Variants in SLC25A21 observed in about 807,000 individuals in gnomAD.
SLC25A21 encodes the protein solute carrier family 25 member 21.
SLC25A21 carries 47 observed loss-of-function variants against 43.8 expected under a neutral mutation model. The ratio of observed to expected loss-of-function variants is 1.07; its 90% CI spans 0.85 to 1.37. SLC25A21 has a LOEUF of 1.37. Among genes scored for constraint, SLC25A21 ranks in the 40% most tolerant of loss-of-function variants. SLC25A21 has a pLI of 0.00. For missense variants in SLC25A21, 352 were observed against 350.2 expected (o/e 1.00, Z -0.04); for synonymous variants, 131 against 121.3 (o/e 1.08, Z -0.52).
At chr14:37,152,493 C>T (rs920079908) in intron 1 of SLC25A21, among the ~76,000 whole-genome samples, 1 of 151,726 alleles carries the variant, frequency 6.6e-6, no homozygotes, top group Non-Finnish European at 1.5e-5. Flanking sequence ...AATTCTCCTG[C>T]TTCAGCCTCC....
At chr14:36,861,604 T>C (rs1195623834) in intron 2 of SLC25A21, among the ~76,000 whole-genome samples, 2 of 152,224 alleles carry the variant, frequency 1.3e-5, no homozygotes, top group Admixed American at 1.3e-4. Flanking sequence ...GCACCTGCTC[T>C]TTACAGAGGC....
intron 6 of SLC25A21, among the ~76,000 whole-genome samples, chr14:36,723,198 G>A (rs997398856): frequency 2.0e-4 from 30 of 152,234 alleles, no homozygotes; most frequent in African/African-American, 7.2e-4. Context: ...TTCTTATCAC[G>A]TCATCTCTTT....
At position 36,679,958 on chromosome 14, in the gene SLC25A21, G is replaced by GTGTT; in HGVS notation, c.*696_*699dup. On this transcript the variant is annotated 3_prime_UTR_variant, in exon 10 of 10. Transcript: ENST00000331299. ...TTGATTTAAACATGCTTAAACAACA[G>GTGTT]TGTTTTAACATTCTGTTTTAAACAA... 1 of 809,778 alleles carries GTGTT rather than the reference G, an allele frequency of 1.2e-6. No homozygotes were observed. The highest frequency in any genetic ancestry group is 1.4e-6 in the Non-Finnish European group (1 of 703,460). The allele number at this position is 809,778 out of a possible 1,614,324, so 50.2% of individuals were successfully genotyped here. A position where few individuals can be genotyped will look rare whatever the true frequency, so the allele number is the denominator to read the frequency against.
intron 1 of SLC25A21, among the ~76,000 whole-genome samples, chr14:37,121,975 CCT>C (rs1491544362): frequency 2.1e-5 from 1 of 47,934 alleles, no homozygotes; most frequent in Non-Finnish European, 1.3e-4. Flanking sequence ...ACCCATCTCC[CCT>C]GATGATAGTC....
chr14:36,927,188 T>C (rs7159241), intron 1 of SLC25A21, among the ~76,000 whole-genome samples: 4,679 of 152,228 alleles, frequency 0.031, 82 homozygotes, highest in East Asian at 0.06. Flanking sequence ...AGAAAAATTA[T>C]AGTAACCAAG....
intron 1 of SLC25A21, chr14:37,098,531 T>C (rs1303164899): frequency 6.6e-6 from 1 of 152,202 alleles, no homozygotes; most frequent in African/African-American, 2.4e-5. Flanking sequence ...TTAACCATGA[T>C]TTCTTTCCAA....
intron 1 of SLC25A21, among the ~76,000 whole-genome samples, chr14:37,154,791 C>T (rs1006276376): frequency 2.2e-4 from 34 of 151,634 alleles, no homozygotes; most frequent in Non-Finnish European, 4.6e-4. Flanking sequence ...TACAGGCATG[C>T]ACCACCACAC....
chr14:36,813,636 T>G (rs1888350485), intron 3 of SLC25A21, among the ~76,000 whole-genome samples: 1 of 152,192 alleles, frequency 6.6e-6, no homozygotes, highest in South Asian at 2.1e-4. Context: ...AAAGAACTAT[T>G]GAGTTTAGAT....
At chr14:36,743,027 T>C (rs1244380603) in intron 3 of SLC25A21, among the ~76,000 whole-genome samples, 1 of 152,220 alleles carries the variant, frequency 6.6e-6, no homozygotes, top group African/African-American at 2.4e-5. Flanking sequence ...CAAAAATTTA[T>C]TGTAGCTGTC....
Position 36,684,769 on chromosome 14 carries a change from T to C in SLC25A21, c.760A>G (p.Met254Val), listed in dbSNP as rs778076388. Residue 254 changes from methionine to valine, a missense_variant, in exon 8 of 10, where the codon ATG (methionine) becomes GTG (valine). By Grantham distance (21) the Met-to-Val change is conservative. Coordinates refer to ENST00000331299, the MANE Select transcript of SLC25A21 (RefSeq NM_030631.4). The stretch of plus-strand genomic sequence containing the variant: ...CCTTCTTCCTGATAGACTGTTGCCA[T>C]TGTTTTAAAACAGGTTCTGTACTTG... ...EIKYRTCFKT[M>V]ATVYQEEGIL... 17 of 1,607,862 alleles carry C rather than the reference T, an allele frequency of 1.1e-5. No individual in the cohort carries two copies. The highest frequency in any genetic ancestry group is 2.2e-5 in the East Asian group (1 of 44,858).
intron 1 of SLC25A21, among the ~76,000 whole-genome samples, chr14:37,138,269 A>G (rs1963516377): frequency 6.6e-6 from 1 of 152,214 alleles, no homozygotes; most frequent in Non-Finnish European, 1.5e-5. Flanking sequence ...GAAAAACAAC[A>G]AACACTAGTT....
intron 3 of SLC25A21, among the ~76,000 whole-genome samples, chr14:36,773,977 T>C (rs1006939895): frequency 1.3e-5 from 2 of 152,246 alleles, no homozygotes; most frequent in African/African-American, 4.8e-5. Flanking sequence ...TGGACATTTG[T>C]AGATGTCTTG....
In SLC25A21 at chr14:36,925,761, T is replaced by C. The variant is rs552422862; in HGVS notation, c.71-50757A>G. ...ACAAGGGAGGCTGAGGCAGGAGAAT[T>C]GCTTGAACCCAGGGGGCAGAGGTTG... On this transcript the variant is annotated intron_variant, in intron 1 of 9. Transcript: ENST00000331299. 4.3e-4 allele frequency among the ~76,000 whole-genome samples: 66 copies of C among 152,056 alleles called. 1 individual carries two copies. Among genetic ancestry groups the C allele is most frequent in the Non-Finnish European group, 7.8e-4 (53 of 67,986 alleles).
chr14:36,924,427 CA>C (rs564201209), intron 1 of SLC25A21, among the ~76,000 whole-genome samples: 2 of 150,876 alleles, frequency 1.3e-5, no homozygotes, highest in South Asian at 4.2e-4. Flanking sequence ...ATCTCAAGGA[CA>C]AAAAACCAAA....
intron 1 of SLC25A21, among the ~76,000 whole-genome samples, chr14:37,119,288 C>T (rs1048171116): frequency 2.0e-5 from 3 of 152,150 alleles, no homozygotes; most frequent in Non-Finnish European, 4.4e-5. Flanking sequence ...GTGGCTCATG[C>T]CTGTAATCCC....
intron 2 of SLC25A21, among the ~76,000 whole-genome samples, chr14:36,859,159 T>C (rs1303823888): frequency 2.0e-5 from 3 of 152,208 alleles, no homozygotes; most frequent in African/African-American, 2.4e-5. Context: ...ACCGCTACTC[T>C]GCTAATCCTG....
intron 1 of SLC25A21, among the ~76,000 whole-genome samples, chr14:37,163,839 A>G (rs868219004): frequency 1.7e-4 from 26 of 152,236 alleles, no homozygotes; most frequent in Admixed American, 1.3e-4. Context: ...AGTATTATCT[A>G]ATGACTAGAA....
At chr14:37,028,448 T>C (rs894938394) in intron 1 of SLC25A21, among the ~76,000 whole-genome samples, 2 of 152,136 alleles carry the variant, frequency 1.3e-5, no homozygotes, top group African/African-American at 4.8e-5. Context: ...TTGCCAATTA[T>C]AACAAAGGAC....
chr14:37,078,542 A>T (rs1191019271), intron 1 of SLC25A21, among the ~76,000 whole-genome samples: 6 of 152,182 alleles, frequency 3.9e-5, no homozygotes, highest in Non-Finnish European at 8.8e-5. Flanking sequence ...TGGTTTTGCC[A>T]TTCAGTCAAA....
Sources: allele counts gnomAD v4.1 joint callset (sites outside exome capture counted in the v4.1 genomes callset), GRCh38; gene constraint gnomAD v4.1.1; transcripts MANE v1.5; gene names NCBI Gene and HGNC (gene_info 2026-07-23, HGNC 2026-07-21).